Variants in DGKG observed in about 807,000 individuals in gnomAD.
DGKG encodes DAG kinase gamma.
A neutral mutation model predicts 105.3 loss-of-function variants in DGKG; 78 were observed. The ratio of observed to expected loss-of-function variants is 0.74; its 90% confidence interval spans 0.62 to 0.89. The LOEUF is 0.89. DGKG is among the 40% of genes least tolerant of loss of function. The pLI is 0.00. For missense variants in DGKG, 958 were observed against 1,020.1 expected (o/e 0.94, Z 0.83); for synonymous variants, 346 against 367.1 (o/e 0.94, Z 0.66).
chr3:186,190,648 A>G (rs1259061889), intron 21 of DGKG, among the ~76,000 whole-genome samples: 1 of 152,196 alleles, frequency 6.6e-6, no homozygotes, highest in Non-Finnish European at 1.5e-5. Flanking sequence ...GTTCTTCGCC[A>G]TTCTGAACCT....
At chr3:186,323,116 C>T (rs1725159945) in intron 1 of DGKG, among the ~76,000 whole-genome samples, 1 of 152,238 alleles carries the variant, frequency 6.6e-6, no homozygotes, top group Admixed American at 6.5e-5. Context: ...AACCAGATCA[C>T]ATCTCTCTCG....
chr3:186,239,899 CTTTT>C (rs796306145), intron 20 of DGKG, among the ~76,000 whole-genome samples: 1 of 136,440 alleles, frequency 7.3e-6, no homozygotes, highest in Admixed American at 7.4e-5. Flanking sequence ...ACGCTACAAT[CTTTT>C]TTTTTTTTTT....
At chr3:186,350,995 AT>A (rs1726605642) in intron 1 of DGKG, among the ~76,000 whole-genome samples, 1 of 152,062 alleles carries the variant, frequency 6.6e-6, no homozygotes, top group African/African-American at 2.4e-5. Context: ...CTGGACTTTA[AT>A]TCTTTTTCAG....
At chr3:186,320,285 G>T in intron 2 of DGKG, 108 bp downstream of exon 2, 1 of 1,345,560 alleles carries the variant, frequency 7.4e-7, no homozygotes, top group Non-Finnish European at 1.0e-6. Flanking sequence ...CGTCAGGCCT[G>T]ACATCATTCT....
At chr3:186,350,101 G>A (rs1726555876) in intron 1 of DGKG, among the ~76,000 whole-genome samples, 1 of 152,016 alleles carries the variant, frequency 6.6e-6, no homozygotes, top group African/African-American at 2.4e-5. Context: ...TGTTGGCCAG[G>A]CTGGTCTCGA....
At chr3:186,353,555 T>C (rs1438673534) in intron 1 of DGKG, among the ~76,000 whole-genome samples, 2 of 130,624 alleles carry the variant, frequency 1.5e-5, no homozygotes, top group Non-Finnish European at 3.1e-5. Context: ...TTATATATAC[T>C]TTTATGTATG....
rs537633695 is a variant in DGKG at position 186,344,080 on chromosome 3, C to A, written c.-249+17866G>T. Among the ~76,000 whole-genome samples the A allele has an allele frequency of 3.3e-5, 5 of 152,222 alleles. No individual in the cohort carries two copies. The East Asian group carries it at 9.6e-4, about 29-fold the overall frequency. ...GTTATTATTAAAAAGTTCAAAAAAA[C>A]CAAAACAGATGCTAGTAAGGTTGTG... On this transcript the variant is annotated intron_variant, in intron 1 of 24. Transcript: ENST00000265022.
At chr3:186,204,478 A>C (rs1207035329) in intron 21 of DGKG, among the ~76,000 whole-genome samples, 1 of 152,204 alleles carries the variant, frequency 6.6e-6, no homozygotes, top group African/African-American at 2.4e-5. Context: ...CTTAAAGGAC[A>C]GTAATCTGAC....
At chr3:186,318,984 GC>G (rs1287105260) in intron 2 of DGKG, among the ~76,000 whole-genome samples, 1 of 152,194 alleles carries the variant, frequency 6.6e-6, no homozygotes, top group Non-Finnish European at 1.5e-5. Flanking sequence ...CATTTCTGAT[GC>G]CCTAACAAGA....
At chr3:186,276,155 A>T (rs962739340) in intron 9 of DGKG, among the ~76,000 whole-genome samples, 8 of 152,246 alleles carry the variant, frequency 5.3e-5, no homozygotes. Context: ...AAATAATGAA[A>T]AGCTGGAAAT....
intron 7 of DGKG, among the ~76,000 whole-genome samples, chr3:186,283,827 G>A (rs990849247): frequency 1.3e-5 from 2 of 152,192 alleles, no homozygotes; most frequent in African/African-American, 4.8e-5. Context: ...AGGCACCCTG[G>A]GGTTTAGAGG....
intron 4 of DGKG, 150 bp downstream of exon 4, chr3:186,297,914 A>C: frequency 1.2e-6 from 1 of 834,690 alleles, no homozygotes; most frequent in Admixed American, 3.0e-5. Context: ...GTAAGGCACT[A>C]TGAGGAAAGG....
At chr3:186,319,875 A>G (rs181980990) in intron 2 of DGKG, among the ~76,000 whole-genome samples, 49 of 152,370 alleles carry the variant, frequency 3.2e-4, no homozygotes, top group African/African-American at 1.2e-3. Flanking sequence ...AAAGAAACAC[A>G]CATTAGCATT....
chr3:186,205,924 G>C (rs1441788358), intron 21 of DGKG, among the ~76,000 whole-genome samples: 1 of 151,880 alleles, frequency 6.6e-6, no homozygotes, highest in Non-Finnish European at 1.5e-5. Context: ...CAATTAAAAG[G>C]AGTAATTGAT....
intron 20 of DGKG, among the ~76,000 whole-genome samples, chr3:186,219,782 AG>A (rs1199781960): frequency 2.0e-5 from 3 of 152,178 alleles, no homozygotes; most frequent in Non-Finnish European, 2.9e-5. Flanking sequence ...AAACTTGAGT[AG>A]GATGTATTTT....
intron 17 of DGKG, 151 bp downstream of exon 17, chr3:186,257,697 TCCACCC>T: frequency 1.8e-6 from 1 of 553,176 alleles, no homozygotes; most frequent in African/African-American, 2.0e-5. Context: ...TTTTTTTTTT[TCCACCC>T]AAAGCAAATA....
At chr3:186,223,085 T>C (rs375739315) in intron 20 of DGKG, among the ~76,000 whole-genome samples, 3 of 140,464 alleles carry the variant, frequency 2.1e-5, no homozygotes, top group East Asian at 4.9e-4. Flanking sequence ...CATTGTTGTA[T>C]ATAAAACTGG....
chr3:186,295,474 C>T (rs1429759946), intron 5 of DGKG, among the ~76,000 whole-genome samples: 1 of 151,072 alleles, frequency 6.6e-6, no homozygotes, highest in Non-Finnish European at 1.5e-5. Flanking sequence ...TGCACTTCAG[C>T]CTGGTGACAG....
At position 186,173,214 on chromosome 3, in the gene DGKG, G is replaced by T. The variant is rs558212276; in HGVS notation, c.2096-8196C>A. The stretch of plus-strand genomic sequence containing the variant: ...ACAGTCACAGTCTGAGGTGCTGGGG[G>T]TTAGGGCTTCTTTGACGCACGAATT... On this transcript the variant is annotated intron_variant, in intron 22 of 24. Coordinates refer to ENST00000265022, the MANE Select transcript of DGKG (RefSeq NM_001346.3). 2.0e-4 allele frequency among the ~76,000 whole-genome samples: 30 copies of T among 152,332 alleles called. No homozygotes were observed. In the South Asian group the frequency reaches 5.6e-3, roughly 28 times the overall value.
Sources: gnomAD v4.1 joint callset for allele counts (sites outside exome capture counted in the v4.1 genomes callset) on GRCh38, gnomAD v4.1.1 for gene constraint, MANE v1.5 for transcripts, NCBI Gene and HGNC (gene_info 2026-07-23, HGNC 2026-07-21) for gene names.